Variants in STAB2 observed in about 807,000 individuals in gnomAD.
The protein encoded by STAB2 is stabilin-2.
A neutral mutation model predicts 338.1 loss-of-function variants in STAB2; 288 were observed. That is an observed-to-expected ratio of 0.85 (90% CI 0.77 to 0.94). STAB2 has a LOEUF of 0.94. Ranked by LOEUF, STAB2 falls within the 40% of genes least tolerant of loss-of-function variation. STAB2 has a pLI of 0.00. For missense variants in STAB2, 3,141 were observed against 3,210.1 expected, an observed-to-expected ratio of 0.98 and a Z score of 0.52; for synonymous variants, 1,202 against 1,193.3, an observed-to-expected ratio of 1.01 and a Z score of -0.15.
chr12:103,592,579 G>A (rs183685344), intron 2 of STAB2, among the ~76,000 whole-genome samples: 9 of 152,182 alleles, frequency 5.9e-5, no homozygotes, highest in Admixed American at 5.9e-4. Context: ...ACAAAAACCT[G>A]GACATTCTTG....
chr12:103,660,586 C>A, intron 16 of STAB2, 97 bp from the exon 17 acceptor site: 1 of 1,415,976 alleles, frequency 7.1e-7, no homozygotes, highest in Non-Finnish European at 9.9e-7. Flanking sequence ...TTACTTATTT[C>A]ACTTTGAAAC....
chr12:103,670,590 C>A, intron 21 of STAB2, 106 bp from the exon 22 acceptor site: 1 of 857,596 alleles, frequency 1.2e-6, no homozygotes, highest in Non-Finnish European at 1.9e-6. Context: ...CCCAGAGGGT[C>A]ATGTCAAGTG....
Position 103,690,417 on chromosome 12 carries a change from G to T in STAB2, c.3183-7G>T, listed in dbSNP as rs370708633. ...TGAATTATAGCCTTTGTGGACTATT[G>T]TTTCAGGTACCATATGCTACTAGGC... On this transcript the variant is annotated splice_polypyrimidine_tract_variant and splice_region_variant and intron_variant, in intron 29 of 68. Transcript: ENST00000388887. The T allele has an allele frequency of 3.7e-6, 6 of 1,607,946 alleles. No homozygotes were observed. In the African/African-American group the frequency reaches 6.7e-5, roughly 18 times the overall value.
intron 22 of STAB2, among the ~76,000 whole-genome samples, chr12:103,671,977 A>G (rs1875837938): frequency 6.6e-6 from 1 of 152,236 alleles, no homozygotes; most frequent in Non-Finnish European, 1.5e-5. Context: ...GTCTGATCTC[A>G]GAAAACGGCT....
At chr12:103,749,279 T>C in intron 59 of STAB2, 123 bp downstream of exon 59, 2 of 1,137,180 alleles carry the variant, frequency 1.8e-6, no homozygotes, top group South Asian at 2.1e-5. Context: ...TCTAGCACAG[T>C]CTGTTTCTTG....
rs1011120777 is a variant in STAB2 at position 103,749,280 on chromosome 12, C to G, written c.6438+124C>G. The G allele has an allele frequency of 8.9e-7, 1 of 1,126,228 alleles. No homozygotes were observed. The highest frequency in any genetic ancestry group is 1.2e-6 in the Non-Finnish European group (1 of 830,920). 69.8% of individuals were successfully genotyped at this position (1,126,228 alleles called of 1,614,324 possible). A position where few individuals can be genotyped will look rare whatever the true frequency, so the allele number is the denominator to read the frequency against. ...TCCTAAACATTTTTTCTAGCACAGTCTGTTTCTTGTTAAAAGTCATTGGGC... is the reference window on the plus strand; with the variant it reads ...TCCTAAACATTTTTTCTAGCACAGTGTGTTTCTTGTTAAAAGTCATTGGGC... On this transcript the variant is annotated intron_variant, in intron 59 of 68. Coordinates refer to ENST00000388887, the MANE Select transcript of STAB2 (RefSeq NM_017564.10).
intron 56 of STAB2, among the ~76,000 whole-genome samples, chr12:103,743,768 A>C (rs1312123595): frequency 6.6e-6 from 1 of 152,210 alleles, no homozygotes; most frequent in Non-Finnish European, 1.5e-5. Flanking sequence ...AGCAAGTGCA[A>C]AGGCCCTGGG....
At chr12:103,617,434 C>T (rs1489813757) in intron 3 of STAB2, among the ~76,000 whole-genome samples, 1 of 152,204 alleles carries the variant, frequency 6.6e-6, no homozygotes, top group Non-Finnish European at 1.5e-5. Context: ...TCGTTAAGCA[C>T]CTAATATTTC....
At chr12:103,590,817 TGGA>T (rs1956784758) in intron 1 of STAB2, 77 bp from the exon 2 acceptor site, 1 of 1,540,582 alleles carries the variant, frequency 6.5e-7, no homozygotes, top group Admixed American at 1.7e-5. Flanking sequence ...GACATTCCAG[TGGA>T]GAAGATTGGC....
Position 103,704,565 on chromosome 12 carries a change from G to A in STAB2, c.3851G>A (p.Cys1284Tyr). Residue 1284 changes from cysteine (C) to tyrosine (Y), a missense_variant, in exon 36 of 69, where the codon TGT (cysteine) becomes TAT (tyrosine). Physicochemically the swap from Cys to Tyr is radical, Grantham distance 194. Transcript: ENST00000388887. ...CTTTTGTGTTTTACCAAGGGAAGAT[G>A]TAGGACATGCTCCTCAGAGCTGACC... ...NNDTTIIRGR[C>Y]RTCSSELTCP... 2 of 1,613,654 alleles carry A rather than the reference G, an allele frequency of 1.2e-6. No individual in the cohort carries two copies. The highest frequency in any genetic ancestry group is 1.7e-6 in the Non-Finnish European group (2 of 1,179,868).
chr12:103,630,380 C>A (rs1957441084), intron 5 of STAB2, among the ~76,000 whole-genome samples: 1 of 152,168 alleles, frequency 6.6e-6, no homozygotes, highest in Non-Finnish European at 1.5e-5. Context: ...TAAGCAGGTG[C>A]ATCTTCTTAA....
intron 3 of STAB2, among the ~76,000 whole-genome samples, chr12:103,595,652 T>C (rs920437487): frequency 2.0e-5 from 3 of 152,250 alleles, no homozygotes; most frequent in African/African-American, 7.2e-5. Context: ...ACTCAGCTTA[T>C]ATTACCAGAT....
intron 33 of STAB2, 82 bp downstream of exon 33, chr12:103,695,926 C>A: frequency 7.6e-7 from 1 of 1,314,100 alleles, no homozygotes. Flanking sequence ...AGTTGTGTGC[C>A]ATTTCACTCC....
intron 22 of STAB2, 125 bp from the exon 23 acceptor site, chr12:103,673,782 G>A (rs1177174777): frequency 3.5e-5 from 36 of 1,040,054 alleles, no homozygotes; most frequent in Non-Finnish European, 4.5e-5. Flanking sequence ...GCTCAGCCCC[G>A]ATTCTGCTTT....
chr12:103,709,302 G>C (rs943645303), intron 39 of STAB2, among the ~76,000 whole-genome samples: 4 of 152,212 alleles, frequency 2.6e-5, no homozygotes, highest in African/African-American at 9.6e-5. Context: ...GACTTTAAGG[G>C]CAAAGAGGAG....
chr12:103,759,892 CA>C (rs1884412940), intron 65 of STAB2, among the ~76,000 whole-genome samples: 1 of 152,086 alleles, frequency 6.6e-6, no homozygotes, highest in African/African-American at 2.4e-5. Flanking sequence ...AATAGAGACC[CA>C]AAGAACAGTT....
At chr12:103,683,331 TAAAAA>T in intron 26 of STAB2, 31 bp downstream of exon 26, 2 of 1,197,602 alleles carry the variant, frequency 1.7e-6, no homozygotes. Flanking sequence ...TTTCATTACT[TAAAAA>T]AAAAAAAAAA....
intron 57 of STAB2, 90 bp downstream of exon 57, chr12:103,745,367 C>T (rs1593318080): frequency 8.3e-7 from 1 of 1,205,418 alleles, no homozygotes; most frequent in African/African-American, 1.5e-5. Flanking sequence ...GTCTGAGTGA[C>T]ATCTGAAAAA....
chr12:103,607,563 T>C (rs901410673), intron 3 of STAB2, among the ~76,000 whole-genome samples: 2 of 145,312 alleles, frequency 1.4e-5, no homozygotes, highest in South Asian at 2.3e-4. Flanking sequence ...CAGGCCCCAG[T>C]GTGTGATGTT....
Sources: allele counts gnomAD v4.1 joint callset (sites outside exome capture counted in the v4.1 genomes callset), GRCh38; gene constraint gnomAD v4.1.1; transcripts MANE v1.5; gene names NCBI Gene and HGNC (gene_info 2026-07-23, HGNC 2026-07-21).